Variants in PRTFDC1 observed in about 807,000 individuals in gnomAD.
PRTFDC1 encodes the protein phosphoribosyltransferase domain-containing protein 1.
Under a neutral mutation model 34.6 loss-of-function variants are expected in PRTFDC1, and 38 were observed. The ratio of observed to expected loss-of-function variants is 1.10; its 90% CI spans 0.85 to 1.44. The LOEUF is 1.44. Among genes scored for constraint, PRTFDC1 ranks in the 40% most tolerant of loss-of-function variants. The pLI, the probability that PRTFDC1 is intolerant of heterozygous loss-of-function variation, is 0.00. For missense variants in PRTFDC1, 270 were observed against 283.0 expected, an observed-to-expected ratio of 0.95 and a Z score of 0.33; for synonymous variants, 93 against 98.1, an observed-to-expected ratio of 0.95 and a Z score of 0.31.
chr10:24,912,775 C>G (rs1185206031), intron 3 of PRTFDC1, among the ~76,000 whole-genome samples: 1 of 152,130 alleles, frequency 6.6e-6, no homozygotes, highest in Non-Finnish European at 1.5e-5. Context: ...TATCCAGAAT[C>G]TGACATTTCT....
At position 24,952,482 on chromosome 10, in the gene PRTFDC1, A is replaced by T; in HGVS notation, c.48+46T>A. 6.5e-7 allele frequency: 1 copy of T among 1,545,874 alleles called. No homozygotes were observed. Among genetic ancestry groups the T allele is most frequent in the Non-Finnish European group, 8.8e-7 (1 of 1,138,706 alleles). ...TTAATCTACAAGCAGGGTGCCAGGG[A>T]GGGAGGGGAGCGGGCCGAGCCCCAA... On this transcript the variant is annotated intron_variant, in intron 1 of 8. Transcript: ENST00000320152. The surrounding 1 kb of genome is among the most constrained non-coding windows in gnomAD (Gnocchi z 5.1).
chr10:24,909,887 A>G (rs1848600431), intron 3 of PRTFDC1, among the ~76,000 whole-genome samples: 2 of 152,086 alleles, frequency 1.3e-5, no homozygotes, highest in Non-Finnish European at 2.9e-5. Flanking sequence ...GTGTTGGCTC[A>G]TGCCTATAAT....
At chr10:24,870,049 G>C (rs1847847741) in intron 4 of PRTFDC1, among the ~76,000 whole-genome samples, 1 of 152,142 alleles carries the variant, frequency 6.6e-6, no homozygotes, top group South Asian at 2.1e-4. Context: ...TAAGCCCTAA[G>C]GTAAACATTG....
At chr10:24,908,390 C>T in intron 3 of PRTFDC1, 1 of 1,338,406 alleles carries the variant, frequency 7.5e-7, no homozygotes, top group Non-Finnish European at 1.0e-6. Context: ...ATACATCATC[C>T]AGCAGACACA....
intron 3 of PRTFDC1, among the ~76,000 whole-genome samples, chr10:24,925,136 G>C (rs548052258): frequency 6.6e-6 from 1 of 152,312 alleles, no homozygotes; most frequent in South Asian, 2.1e-4. Flanking sequence ...ATACTATGCA[G>C]CCATAAAAAA....
chr10:24,882,489 G>T (rs1025663198), intron 3 of PRTFDC1, among the ~76,000 whole-genome samples: 2 of 152,136 alleles, frequency 1.3e-5, no homozygotes, highest in Admixed American at 1.3e-4. Flanking sequence ...ACTGAAACTT[G>T]TAAGCGCGCA....
chr10:24,894,590 T>A (rs1164605381), intron 3 of PRTFDC1, among the ~76,000 whole-genome samples: 1 of 152,056 alleles, frequency 6.6e-6, no homozygotes, highest in African/African-American at 2.4e-5. Flanking sequence ...CGGGAGCCAA[T>A]CTCGGTTTGT....
At position 24,860,531 on chromosome 10, in the gene PRTFDC1, A is replaced by G. The variant is rs113944496; in HGVS notation, c.406-2122T>C. ...TAACTTTGCACCGTATATCAAACAC[A>G]TTCTTATGTTAAAATAACTTCTTGG... On this transcript the variant is annotated intron_variant, in intron 4 of 8. Transcript: ENST00000320152. Among the ~76,000 whole-genome samples, 419 of 152,326 alleles carry G rather than the reference A, an allele frequency of 2.8e-3. 1 individual carries two copies. The highest frequency in any genetic ancestry group is 9.4e-3 in the African/African-American group (392 of 41,576).
At chr10:24,940,216 A>G (rs531366394) in intron 2 of PRTFDC1, among the ~76,000 whole-genome samples, 2 of 152,344 alleles carry the variant, frequency 1.3e-5, no homozygotes, top group African/African-American at 4.8e-5. Flanking sequence ...ATTAACACAT[A>G]TACAATACTT....
chr10:24,871,219 A>G (rs1281409285), intron 4 of PRTFDC1, among the ~76,000 whole-genome samples: 2 of 152,236 alleles, frequency 1.3e-5, no homozygotes, highest in African/African-American at 4.8e-5. Flanking sequence ...AAGCTTGTGT[A>G]ATAGACTAAT....
chr10:24,868,166 A>G (rs1035259679), intron 4 of PRTFDC1: 2 of 152,318 alleles, frequency 1.3e-5, no homozygotes, highest in East Asian at 1.9e-4. Flanking sequence ...ATAGCTATGG[A>G]GGAGTACCTT....
At chr10:24,917,472 G>C (rs1463141200) in intron 3 of PRTFDC1, among the ~76,000 whole-genome samples, 1 of 152,140 alleles carries the variant, frequency 6.6e-6, no homozygotes, top group Non-Finnish European at 1.5e-5. Flanking sequence ...GAGATACCAA[G>C]ATTTTATTCT....
intron 3 of PRTFDC1, among the ~76,000 whole-genome samples, chr10:24,901,055 T>C (rs1226895654): frequency 1.3e-5 from 2 of 152,190 alleles, no homozygotes; most frequent in Non-Finnish European, 2.9e-5. Context: ...GAAATGTGTC[T>C]AGTTTTCTCG....
chr10:24,909,605 T>C (rs896685472), intron 3 of PRTFDC1, among the ~76,000 whole-genome samples: 3 of 152,194 alleles, frequency 2.0e-5, no homozygotes, highest in African/African-American at 7.2e-5. Flanking sequence ...TATAGCTTTG[T>C]ATAGGAAAAA....
intron 4 of PRTFDC1, among the ~76,000 whole-genome samples, chr10:24,869,417 A>AT (rs1434705888): frequency 6.6e-6 from 1 of 152,128 alleles, no homozygotes; most frequent in Non-Finnish European, 1.5e-5. Context: ...ACAACTAATG[A>AT]TTTTTATTAC....
chr10:24,872,608 C>T (rs1383778453), intron 3 of PRTFDC1, among the ~76,000 whole-genome samples: 1 of 151,646 alleles, frequency 6.6e-6, no homozygotes, highest in Non-Finnish European at 1.5e-5. Context: ...GCACTTAGAC[C>T]TTCTGACATG....
At chr10:24,927,880 C>A (rs920352147) in intron 3 of PRTFDC1, among the ~76,000 whole-genome samples, 5 of 152,092 alleles carry the variant, frequency 3.3e-5, no homozygotes, top group Non-Finnish European at 7.4e-5. Flanking sequence ...TTGCACCCGG[C>A]ACAGGACCCA....
Position 24,926,741 on chromosome 10 carries a change from C to T in PRTFDC1, c.339+10443G>A, listed in dbSNP as rs188714028. On this transcript the variant is annotated intron_variant, in intron 3 of 8. Transcript: ENST00000320152. ...GTGAGTCCATTCCCCGAGATGTCTGCTCCAGGGCCGGGTCCTGTTCCTGGT... is the reference window on the plus strand; with the variant it reads ...GTGAGTCCATTCCCCGAGATGTCTGTTCCAGGGCCGGGTCCTGTTCCTGGT... Among the ~76,000 whole-genome samples the T allele has an allele frequency of 9.9e-4, 151 of 152,322 alleles. 1 individual carries two copies. The highest frequency in any genetic ancestry group is 3.1e-3 in the African/African-American group (130 of 41,568).
intron 3 of PRTFDC1, among the ~76,000 whole-genome samples, chr10:24,921,787 A>C (rs190146239): frequency 6.6e-6 from 1 of 152,104 alleles, no homozygotes. Flanking sequence ...TCCCAAATTA[A>C]TAAGTAGAAA....
Sources: allele counts gnomAD v4.1 joint callset (sites outside exome capture counted in the v4.1 genomes callset), GRCh38; gene constraint gnomAD v4.1.1; non-coding constraint Gnocchi (gnomAD v3.1); transcripts MANE v1.5; gene names NCBI Gene and HGNC (gene_info 2026-07-23, HGNC 2026-07-21).